CTDSPL2: variants seen among roughly 807,000 people sequenced by gnomAD.
CTDSPL2 encodes CTD small phosphatase-like protein 2.
A neutral mutation model predicts 60.0 loss-of-function variants in CTDSPL2; 5 were observed. The observed-to-expected ratio is 0.08, with a 90% CI of 0.04 to 0.18. The LOEUF (loss-of-function observed/expected upper bound fraction) is 0.18, where lower values mean the gene tolerates loss of function less well. Ranked by LOEUF, CTDSPL2 falls within the 10% of genes least tolerant of loss-of-function variation. CTDSPL2 has a pLI of 1.00. For synonymous variants in CTDSPL2, 186 were observed against 189.3 expected (o/e 0.98, Z 0.14); for missense variants, 370 against 548.8 (o/e 0.67, Z 3.26).
chr15:44,487,160 C>T (rs911032298), intron 4 of CTDSPL2, among the ~76,000 whole-genome samples: 3 of 152,150 alleles, frequency 2.0e-5, no homozygotes. Flanking sequence ...TAATAATATA[C>T]AGCTCCTTGG....
At chr15:44,472,004 C>T (rs1254812949) in intron 2 of CTDSPL2, among the ~76,000 whole-genome samples, 5 of 151,730 alleles carry the variant, frequency 3.3e-5, no homozygotes, top group African/African-American at 7.3e-5. Context: ...CAAAGTACAT[C>T]CATGTTGTGG....
chr15:44,519,407 T>A, intron 11 of CTDSPL2, 112 bp downstream of exon 11: 1 of 947,492 alleles, frequency 1.1e-6, no homozygotes, highest in East Asian at 2.9e-5. Context: ...TGGTGGAATT[T>A]CCCTTTAATG....
intron 8 of CTDSPL2, among the ~76,000 whole-genome samples, chr15:44,503,180 A>G (rs572232697): frequency 6.6e-6 from 1 of 152,274 alleles, no homozygotes; most frequent in South Asian, 2.1e-4. Flanking sequence ...AGGCAAAATT[A>G]CAGGCTTTTT....
intron 4 of CTDSPL2, among the ~76,000 whole-genome samples, chr15:44,488,167 G>T (rs780191229): frequency 6.6e-6 from 1 of 151,976 alleles, no homozygotes; most frequent in African/African-American, 2.4e-5. Context: ...TAGGCAGAGC[G>T]GCCTGAAAGG....
At chr15:44,428,923 A>G (rs1424005545) in intron 1 of CTDSPL2, among the ~76,000 whole-genome samples, 1 of 152,094 alleles carries the variant, frequency 6.6e-6, no homozygotes, top group Non-Finnish European at 1.5e-5. Flanking sequence ...TCATAAAGAG[A>G]AGTAATAAGG....
At chr15:44,440,341 G>A (rs773735128) in intron 1 of CTDSPL2, among the ~76,000 whole-genome samples, 1 of 151,760 alleles carries the variant, frequency 6.6e-6, no homozygotes, top group African/African-American at 2.4e-5. Context: ...GATTACAGGT[G>A]CGCACCACCA....
intron 1 of CTDSPL2, among the ~76,000 whole-genome samples, chr15:44,438,263 C>CAAA (rs35595063): frequency 8.8e-5 from 9 of 102,226 alleles, no homozygotes; most frequent in Admixed American, 4.2e-4. Context: ...GACTCCGTCT[C>CAAA]AAAAAAAAAA....
intron 1 of CTDSPL2, among the ~76,000 whole-genome samples, chr15:44,431,022 A>G (rs1251061592): frequency 6.6e-6 from 1 of 151,566 alleles, no homozygotes; most frequent in Non-Finnish European, 1.5e-5. Flanking sequence ...GGGTTTCTCT[A>G]TGTTGGCCAG....
intron 6 of CTDSPL2, 46 bp downstream of exon 6, chr15:44,496,504 T>G (rs771918398): frequency 5.7e-5 from 80 of 1,394,124 alleles, no homozygotes; most frequent in Non-Finnish European, 7.7e-5. Flanking sequence ...TGGAGCATGA[T>G]GAGAGTACGT....
chr15:44,480,016 AT>A (rs2080996562), intron 2 of CTDSPL2, among the ~76,000 whole-genome samples: 1 of 151,968 alleles, frequency 6.6e-6, no homozygotes, highest in African/African-American at 2.4e-5. Context: ...CCATGTGTTT[AT>A]TTGGAATTTC....
chr15:44,514,737 G>T, intron 9 of CTDSPL2, 28 bp from the exon 10 acceptor site: 2 of 1,553,110 alleles, frequency 1.3e-6, no homozygotes, highest in South Asian at 2.2e-5. Flanking sequence ...CATGTATAAT[G>T]ATTACTTCTT....
Position 44,459,121 on chromosome 15 carries a change from C to T in CTDSPL2, c.107C>T (p.Ser36Leu). The change falls in exon 2 of 13, where the codon TCA (serine) becomes TTA (leucine). Residue 36 changes from serine (S) to leucine (L), a missense_variant. Physicochemically the swap from Ser to Leu is moderately radical, Grantham distance 145. Coordinates refer to ENST00000260327, the MANE Select transcript of CTDSPL2 (RefSeq NM_016396.3). ...TCAGAGGTTGATGATAGCCTGCCTT[C>T]AGGAGGAGAAAAACCATCGAAGAAT... ...KYSEVDDSLP[S>L]GGEKPSKNET... The T allele has an allele frequency of 6.2e-7, 1 of 1,613,172 alleles. No homozygotes were observed. The highest frequency in any genetic ancestry group is 2.2e-5 in the East Asian group (1 of 44,740).
intron 1 of CTDSPL2, among the ~76,000 whole-genome samples, chr15:44,435,593 TC>T (rs2079961714): frequency 6.7e-6 from 1 of 149,634 alleles, no homozygotes; most frequent in Non-Finnish European, 1.5e-5. Context: ...AAGAGAATCT[TC>T]CTGTTGTAGA....
chr15:44,500,541 T>C (rs1321609042), intron 8 of CTDSPL2, among the ~76,000 whole-genome samples: 2 of 152,230 alleles, frequency 1.3e-5, no homozygotes, highest in Non-Finnish European at 2.9e-5. Context: ...ATTTGCATTA[T>C]ATAATAGTTG....
rs2080797425 is a variant in CTDSPL2 at position 44,470,967 on chromosome 15, C to A, written c.186+11767C>A. ...AAACCTTAAACACAATAAAATACACCTGTTCAAAGTGTTTGTTTTCTTGAA... is the reference window on the plus strand; with the variant it reads ...AAACCTTAAACACAATAAAATACACATGTTCAAAGTGTTTGTTTTCTTGAA... On this transcript the variant is annotated intron_variant, in intron 2 of 12. Transcript: ENST00000260327. Among the ~76,000 whole-genome samples, 3 of 152,024 alleles carry A rather than the reference C, an allele frequency of 2.0e-5. No homozygotes were observed. In the South Asian group the frequency reaches 6.2e-4, roughly 32 times the overall value.
intron 1 of CTDSPL2, among the ~76,000 whole-genome samples, chr15:44,438,407 G>C (rs1222756116): frequency 6.6e-6 from 1 of 152,194 alleles, no homozygotes; most frequent in Non-Finnish European, 1.5e-5. Context: ...GAACAGGCAA[G>C]TTTGTGCAGT....
chr15:44,489,249 A>G (rs1454200355), intron 4 of CTDSPL2, among the ~76,000 whole-genome samples: 7 of 151,682 alleles, frequency 4.6e-5, no homozygotes, highest in South Asian at 4.2e-4. Flanking sequence ...ATAGCCTGCA[A>G]CTAGGGTCTG....
chr15:44,521,712 G>A (rs544375252), intron 12 of CTDSPL2, among the ~76,000 whole-genome samples: 1 of 152,000 alleles, frequency 6.6e-6, no homozygotes, highest in East Asian at 1.9e-4. Context: ...GCCGAGGCGG[G>A]CGGATCACGA....
chr15:44,485,334 A>G (rs988272454), intron 3 of CTDSPL2, among the ~76,000 whole-genome samples: 3 of 152,262 alleles, frequency 2.0e-5, no homozygotes, highest in Admixed American at 2.0e-4. Context: ...AAGCAGAGAC[A>G]GCTATAAAGA....
Sources: allele counts gnomAD v4.1 joint callset (sites outside exome capture counted in the v4.1 genomes callset), GRCh38; gene constraint gnomAD v4.1.1; transcripts MANE v1.5; gene names NCBI Gene and HGNC (gene_info 2026-07-23, HGNC 2026-07-21).